Variants in PCDHGC4 observed in about 807,000 individuals in gnomAD.
The protein encoded by PCDHGC4 is protocadherin gamma subfamily C, 4.
A neutral mutation model predicts 59.7 loss-of-function variants in PCDHGC4; 15 were observed. That is an observed-to-expected ratio of 0.25 (90% CI 0.17 to 0.39). PCDHGC4 has a LOEUF of 0.39. Among genes scored for constraint, PCDHGC4 ranks in the 10% least tolerant of loss-of-function variants. The probability of loss-of-function intolerance (pLI) is 1.00; values close to 1 mark genes in which losing one functional copy is unlikely to be tolerated. For missense variants in PCDHGC4, 1,016 were observed against 1,189.5 expected (o/e 0.85, Z 2.15); for synonymous variants, 434 against 481.4 (o/e 0.90, Z 1.29).
In PCDHGC4 at chr5:141,493,548, G is replaced by A. The variant is rs1243278355; in HGVS notation, c.2443-1259G>A. 3.9e-5 allele frequency among the ~76,000 whole-genome samples: 6 copies of A among 152,196 alleles called. No homozygotes were observed. ...AAACTTGGCCAGTTATCCTTTTGGA[G>A]ATTGAGTTCCCCCAGCTCCGTTTCC... On this transcript the variant is annotated intron_variant, in intron 1 of 3. Coordinates refer to ENST00000306593, the MANE Select transcript of PCDHGC4 (RefSeq NM_018928.3). This position sits in a 1 kb window ranked among gnomAD's most constrained non-coding sequence, Gnocchi z 4.3.
At chr5:141,498,830 G>T (rs2099786149) in intron 2 of PCDHGC4, among the ~76,000 whole-genome samples, 1 of 152,080 alleles carries the variant, frequency 6.6e-6, no homozygotes, top group Non-Finnish European at 1.5e-5. Context: ...CTACTCAGGA[G>T]GCTGAGGCAG....
Position 141,489,900 on chromosome 5 carries a change from A to T in PCDHGC4, c.2442+2285A>T. ...TTACTGCTGTGGATGGGGGGACCCC[A>T]GCCCGCTCAGGGACCACCCTTATCT... On this transcript the variant is annotated intron_variant, in intron 1 of 3. Coordinates refer to ENST00000306593, the MANE Select transcript of PCDHGC4 (RefSeq NM_018928.3). This position sits in a 1 kb window ranked among gnomAD's most constrained non-coding sequence, Gnocchi z 4.5. The T allele has an allele frequency of 6.2e-7, 1 of 1,614,254 alleles. No homozygotes were observed. The highest frequency in any genetic ancestry group is 8.5e-7 in the Non-Finnish European group (1 of 1,180,044).
intron 3 of PCDHGC4, among the ~76,000 whole-genome samples, chr5:141,506,444 CA>C (rs1219684339): frequency 0.54 from 51,660 of 95,006 alleles, 10,715 homozygotes; most frequent in African/African-American, 0.61. Context: ...CGCTCTGTCT[CA>C]AAAAAAAAAA....
In PCDHGC4 at chr5:141,503,070, G is replaced by A. The variant is rs868143537; in HGVS notation, c.2502-2323G>A. 1.5e-4 allele frequency among the ~76,000 whole-genome samples: 23 copies of A among 151,614 alleles called. No individual in the cohort carries two copies. The Middle Eastern group carries it at 0.01, about 68-fold the overall frequency. On this transcript the variant is annotated intron_variant, in intron 2 of 3. Coordinates refer to ENST00000306593, the MANE Select transcript of PCDHGC4 (RefSeq NM_018928.3). ...GGGTTTCACCATGTTGGTCAGAATGGTCTCGATCTCCTGACCTCGTGGTCT... is the reference window on the plus strand; with the variant it reads ...GGGTTTCACCATGTTGGTCAGAATGATCTCGATCTCCTGACCTCGTGGTCT...
rs564439931 is a variant in PCDHGC4 at position 141,490,480 on chromosome 5, C to T, written c.2442+2865C>T. On this transcript the variant is annotated intron_variant, in intron 1 of 3. Coordinates refer to ENST00000306593, the MANE Select transcript of PCDHGC4 (RefSeq NM_018928.3). The surrounding 1 kb of genome is among the most constrained non-coding windows in gnomAD (Gnocchi z 5.4). ...GCTGCTAACCAGCCAGCCTTTGGAC[C>T]GGGAGGCCACATCCCACTATATCAT... The T allele has an allele frequency of 3.5e-5, 56 of 1,614,194 alleles. No individual in the cohort carries two copies. Among genetic ancestry groups the T allele is most frequent in the Admixed American group, 1.5e-4 (9 of 60,022 alleles).
At chr5:141,492,993 G>A (rs952802686) in intron 1 of PCDHGC4, among the ~76,000 whole-genome samples, 5 of 152,216 alleles carry the variant, frequency 3.3e-5, no homozygotes, top group African/African-American at 1.2e-4. Flanking sequence ...CTGGCAGATG[G>A]AAAGCTATAG....
rs902072815 is a variant in PCDHGC4, at chr5:141,495,024, C to A, written c.2501+159C>A. On this transcript the variant is annotated intron_variant, in intron 2 of 3. Coordinates refer to ENST00000306593, the MANE Select transcript of PCDHGC4 (RefSeq NM_018928.3). ...GGTGTGCGGGGGGCTGGCACACAGACCCCGGAAGGAAGAGGCGACTGCCCT... is the reference window on the plus strand; with the variant it reads ...GGTGTGCGGGGGGCTGGCACACAGAACCCGGAAGGAAGAGGCGACTGCCCT... The A allele has an allele frequency of 1.6e-5, 16 of 973,368 alleles. No homozygotes were observed. In the South Asian group the frequency reaches 5.7e-4, roughly 35 times the overall value. The allele number at this position is 973,368 out of a possible 1,614,324, so 60.3% of individuals were successfully genotyped here. A position where few individuals can be genotyped will look rare whatever the true frequency, so the allele number is the denominator to read the frequency against.
rs201458212 is a variant in PCDHGC4 at position 141,487,439 on chromosome 5, T to A, written c.2266T>A (p.Ser756Thr). Residue 756 changes from serine (S) to threonine (T), a missense_variant, in exon 1 of 4, where the codon TCA (serine) becomes ACA (threonine). Coordinates refer to ENST00000306593, the MANE Select transcript of PCDHGC4 (RefSeq NM_018928.3). The surrounding 1 kb of genome is among the most constrained non-coding windows in gnomAD (Gnocchi z 5.0). ...SNGILRIQLG[S>T]DDPIKFVDVG... ...TGGGATCCTCCGAATCCAGCTAGGG[T>A]CAGATGACCCTATCAAGTTTGTTGA... The A allele has an allele frequency of 1.5e-4, 242 of 1,613,808 alleles. No individual in the cohort carries two copies. Among genetic ancestry groups the A allele is most frequent in the Non-Finnish European group, 1.9e-4 (230 of 1,179,978 alleles).
Position 141,487,910 on chromosome 5 carries a change from C to T in PCDHGC4, c.2442+295C>T, listed in dbSNP as rs2099668803. The T allele has an allele frequency of 3.0e-6, 2 of 661,468 alleles. No individual in the cohort carries two copies. Among genetic ancestry groups the T allele is most frequent in the Non-Finnish European group, 5.1e-6 (2 of 388,904 alleles). The allele number at this position is 661,468 out of a possible 1,614,324, so 41.0% of individuals were successfully genotyped here. ...AGCATGATGATGGAATGTGGGAGCA[C>T]AGGAGGCTACAGTGCACAGGGTACA... On this transcript the variant is annotated intron_variant, in intron 1 of 3. Transcript: ENST00000306593. The surrounding 1 kb of genome is among the most constrained non-coding windows in gnomAD (Gnocchi z 5.0).
At chr5:141,499,019 AG>A (rs2099788634) in intron 2 of PCDHGC4, among the ~76,000 whole-genome samples, 3 of 150,840 alleles carry the variant, frequency 2.0e-5, no homozygotes, top group Non-Finnish European at 3.0e-5. Context: ...GAAGGAAGGA[AG>A]GAAGGAAGAA....
At chr5:141,488,660 G>A (rs1274725688) in intron 1 of PCDHGC4, among the ~76,000 whole-genome samples, 1 of 152,148 alleles carries the variant, frequency 6.6e-6, no homozygotes, top group East Asian at 1.9e-4. Flanking sequence ...GGGAGGGTGG[G>A]GGAATACATG....
chr5:141,488,113 T>C (rs1053996929), intron 1 of PCDHGC4, among the ~76,000 whole-genome samples: 1 of 152,084 alleles, frequency 6.6e-6, no homozygotes, highest in African/African-American at 2.4e-5. Flanking sequence ...ATTTGAAACA[T>C]AGAGACAGCA....
chr5:141,485,886 A>G lies in PCDHGC4; in HGVS notation c.713A>G (p.Asn238Ser). 1.9e-6 allele frequency: 3 copies of G among 1,614,132 alleles called. No individual in the cohort carries two copies. Among genetic ancestry groups the G allele is most frequent in the Non-Finnish European group, 2.5e-6 (3 of 1,180,016 alleles). The change falls in exon 1 of 4, where the codon AAC (asparagine) becomes AGC (serine). Residue 238 changes from asparagine to serine, a missense_variant. Asn to Ser is a conservative substitution (Grantham distance 46). Transcript: ENST00000306593. This position sits in a 1 kb window ranked among gnomAD's most constrained non-coding sequence, Gnocchi z 5.7. ...GTATCCGTGCTGGACGTAAACGACAACGCCCCAGCCTTCCAGCAATCCAGC... is the reference window on the plus strand; with the variant it reads ...GTATCCGTGCTGGACGTAAACGACAGCGCCCCAGCCTTCCAGCAATCCAGC... ...LRVSVLDVNDNAPAFQQSSYR... is the reference protein window; with the variant it reads ...LRVSVLDVNDSAPAFQQSSYR...
At chr5:141,494,937 G>A (rs759078748) in intron 2 of PCDHGC4, 72 bp downstream of exon 2, 130 of 1,612,276 alleles carry the variant, frequency 8.1e-5, no homozygotes, top group Non-Finnish European at 1.1e-4. Context: ...GAGGAGATGG[G>A]GGAGGGCCCA....
rs71583649 is a variant in PCDHGC4, at chr5:141,491,361, C to A, written c.2443-3446C>A. On this transcript the variant is annotated intron_variant, in intron 1 of 3. Transcript: ENST00000306593. The surrounding 1 kb of genome is among the most constrained non-coding windows in gnomAD (Gnocchi z 6.9). The stretch of plus-strand genomic sequence containing the variant: ...CGACCGTCAGTCTCTTATCCCTAGT[C>A]ACCTTCACCTTTCTGTCAGCGAAGT... 1.0e-3 allele frequency: 1,614 copies of A among 1,614,132 alleles called. 5 individuals carry two copies. The highest frequency in any genetic ancestry group is 5.1e-3 in the Middle Eastern group (31 of 6,062).
chr5:141,487,512 C>T lies in PCDHGC4; in HGVS notation c.2339C>T (p.Thr780Ile), dbSNP rs372606253. The stretch of plus-strand genomic sequence containing the variant: ...TGTACACCCTTGGCTTCTGCACCCA[C>T]TCGGAGTGATAGCTTCATGATGGTG... ...HGCTPLASAPTRSDSFMMVKS... is the reference protein window; with the variant it reads ...HGCTPLASAPIRSDSFMMVKS... The change falls in exon 1 of 4, where the codon ACT (threonine) becomes ATT (isoleucine). Residue 780 changes from threonine to isoleucine, a missense_variant. Transcript: ENST00000306593. This position sits in a 1 kb window ranked among gnomAD's most constrained non-coding sequence, Gnocchi z 5.0. 3.7e-6 allele frequency: 6 copies of T among 1,614,082 alleles called. No homozygotes were observed. The highest frequency in any genetic ancestry group is 5.1e-6 in the Non-Finnish European group (6 of 1,180,044).
chr5:141,485,687 C>T lies in PCDHGC4; in HGVS notation c.514C>T (p.Leu172=). 1 of 1,614,066 alleles carries T rather than the reference C, an allele frequency of 6.2e-7. No individual in the cohort carries two copies. Among genetic ancestry groups the T allele is most frequent in the Non-Finnish European group, 8.5e-7 (1 of 1,179,966 alleles). ...GAGCAATTCGATTAGCAGCTATAGG[C>T]TGAGCTCCAATGAACACTTTGCACT... ...VGSNSISSYR[L]SSNEHFALDV... The change falls in exon 1 of 4, where the codon CTG becomes TTG. Residue 172 remains leucine (L), a synonymous_variant. Transcript: ENST00000306593. The surrounding 1 kb of genome is among the most constrained non-coding windows in gnomAD (Gnocchi z 5.7).
In PCDHGC4 at chr5:141,491,556, C is replaced by T. The variant is rs2099720720; in HGVS notation, c.2443-3251C>T. The T allele has an allele frequency of 1.2e-6, 2 of 1,613,848 alleles. No homozygotes were observed. The highest frequency in any genetic ancestry group is 1.7e-5 in the Admixed American group (1 of 60,000). ...TGCGGCCCACAGACTCGCAGAGCCA[C>T]TGCTACAGGACGTGCTTTTCACCGG... On this transcript the variant is annotated intron_variant, in intron 1 of 3. Transcript: ENST00000306593. The surrounding 1 kb of genome is among the most constrained non-coding windows in gnomAD (Gnocchi z 6.9).
In PCDHGC4 at chr5:141,489,153, G is replaced by C; in HGVS notation, c.2442+1538G>C. Reference sequence around the variant, plus strand: ...TTTAAGAGGCTGGAAGGAGACATAAGAGACTTCAGCTGCTGCATTCCAAGC... The same window carrying C: ...TTTAAGAGGCTGGAAGGAGACATAACAGACTTCAGCTGCTGCATTCCAAGC... On this transcript the variant is annotated intron_variant, in intron 1 of 3. Coordinates refer to ENST00000306593, the MANE Select transcript of PCDHGC4 (RefSeq NM_018928.3). This position sits in a 1 kb window ranked among gnomAD's most constrained non-coding sequence, Gnocchi z 4.5. 1 of 935,832 alleles carries C rather than the reference G, an allele frequency of 1.1e-6. No individual in the cohort carries two copies. Among genetic ancestry groups the C allele is most frequent in the Non-Finnish European group, 1.6e-6 (1 of 627,178 alleles). The allele number at this position is 935,832 out of a possible 1,614,324, so 58.0% of individuals were successfully genotyped here.
Sources: allele counts gnomAD v4.1 joint callset (sites outside exome capture counted in the v4.1 genomes callset), GRCh38; gene constraint gnomAD v4.1.1; non-coding constraint Gnocchi (gnomAD v3.1); transcripts MANE v1.5; gene names NCBI Gene and HGNC (gene_info 2026-07-23, HGNC 2026-07-21).